CDH20: variants seen among roughly 807,000 people sequenced by gnomAD.
CDH20 encodes the protein cadherin-20.
A neutral mutation model predicts 74.2 loss-of-function variants in CDH20; 29 were observed. That is an observed-to-expected ratio of 0.39 (90% CI 0.29 to 0.53). The LOEUF is 0.53. Among genes scored for constraint, CDH20 ranks in the 20% least tolerant of loss-of-function variants. The pLI, the probability that CDH20 is intolerant of heterozygous loss-of-function variation, is 0.69. For synonymous variants in CDH20, 469 were observed against 405.4 expected (o/e 1.16, Z -1.88); for missense variants, 988 against 1,048.3 (o/e 0.94, Z 0.79).
chr18:61,356,043 G>T (rs1233010649), intron 1 of CDH20, among the ~76,000 whole-genome samples: 1 of 152,156 alleles, frequency 6.6e-6, no homozygotes, highest in Non-Finnish European at 1.5e-5. Flanking sequence ...CTCAGGGTGG[G>T]CTGGGGAAGA....
chr18:61,539,283 T>A (rs771675164), intron 9 of CDH20, 138 bp downstream of exon 9: 3 of 857,110 alleles, frequency 3.5e-6, no homozygotes, highest in Non-Finnish European at 3.7e-6. Flanking sequence ...AATTCCCGTA[T>A]ATCAGGTTTC....
rs1428735579 is a variant in CDH20, at chr18:61,499,369, C to A, written c.430C>A (p.Pro144Thr). The change falls in exon 3 of 12, where the codon CCA becomes ACA. Residue 144 changes from proline (P) to threonine (T), a missense_variant. By Grantham distance (38) the Pro-to-Thr change is conservative. Around this residue, in one of 2 missense-constraint regions of CDH20, gnomAD observed 613 missense variants for 755.2 expected, o/e 0.81. Transcript: ENST00000262717. Reference sequence around the variant, plus strand: ...AGCCCTAGACAGGCGGACGGGCAGGCCAATGGAGCCCGAGTCAGAGTTCAT... The same window carrying A: ...AGCCCTAGACAGGCGGACGGGCAGGACAATGGAGCCCGAGTCAGAGTTCAT... ...AQALDRRTGR[P>T]MEPESEFIIK... is the part of the protein sequence containing the mutation. 2 of 1,613,932 alleles carry A rather than the reference C, an allele frequency of 1.2e-6. No individual in the cohort carries two copies. Among genetic ancestry groups the A allele is most frequent in the Non-Finnish European group, 1.7e-6 (2 of 1,179,976 alleles).
rs117273843 is a variant in CDH20, at chr18:61,435,129, A to T, written c.-152-55273A>T. On this transcript the variant is annotated intron_variant, in intron 1 of 11. Transcript: ENST00000262717. ...TACTGTCCTTTTTCTACAGATCAGG[A>T]AATTGATCTGTAGAAAATTTCAGGG... 1.1e-3 allele frequency among the ~76,000 whole-genome samples: 168 copies of T among 152,280 alleles called. 2 individuals are homozygous for T. In the East Asian group the frequency reaches 0.028, roughly 25 times the overall value.
chr18:61,489,604 T>C (rs964100141), intron 1 of CDH20, among the ~76,000 whole-genome samples: 2 of 151,728 alleles, frequency 1.3e-5, no homozygotes, highest in East Asian at 3.9e-4. Flanking sequence ...ACGGTAGAAG[T>C]CCTTTTCCCT....
Position 61,554,332 on chromosome 18 carries a change from G to T in CDH20, c.2043G>T (p.Ala681=), listed in dbSNP as rs149566490. ...GEEDTEAFDI[A]AMWNPREAQA... ...AGGACACCGAGGCCTTCGACATCGCGGCCATGTGGAACCCCCGGGAGGCGC... is the reference window on the plus strand; with the variant it reads ...AGGACACCGAGGCCTTCGACATCGCTGCCATGTGGAACCCCCGGGAGGCGC... The change falls in exon 12 of 12, where the codon GCG becomes GCT. Residue 681 remains alanine (A), a synonymous_variant. Transcript: ENST00000262717. The T allele has an allele frequency of 6.8e-6, 11 of 1,613,650 alleles. No individual in the cohort carries two copies. Among genetic ancestry groups the T allele is most frequent in the Non-Finnish European group, 9.3e-6 (11 of 1,179,952 alleles).
chr18:61,506,660 C>G (rs1943329), intron 5 of CDH20, among the ~76,000 whole-genome samples: 1 of 152,112 alleles, frequency 6.6e-6, no homozygotes, highest in Non-Finnish European at 1.5e-5. Context: ...TAATTGTGAG[C>G]TCAGGATATC....
intron 6 of CDH20, among the ~76,000 whole-genome samples, chr18:61,520,196 C>T (rs1253540784): frequency 6.7e-6 from 1 of 149,976 alleles, no homozygotes; most frequent in Non-Finnish European, 1.5e-5. Context: ...GGCACCTGTA[C>T]TCCCAGCTAC....
intron 1 of CDH20, among the ~76,000 whole-genome samples, chr18:61,345,285 G>A (rs1451037262): frequency 1.3e-5 from 2 of 152,156 alleles, no homozygotes; most frequent in Non-Finnish European, 2.9e-5. Flanking sequence ...ATGGTTGTAG[G>A]AGGGAGCCCA....
chr18:61,364,055 T>C (rs1185132186), intron 1 of CDH20, among the ~76,000 whole-genome samples: 1 of 152,198 alleles, frequency 6.6e-6, no homozygotes, highest in Non-Finnish European at 1.5e-5. Context: ...GCTCACAAAA[T>C]GGCCATCTCT....
intron 1 of CDH20, among the ~76,000 whole-genome samples, chr18:61,374,579 A>C (rs1911151089): frequency 6.6e-6 from 1 of 152,310 alleles, no homozygotes; most frequent in South Asian, 2.1e-4. Context: ...GAGATCGACT[A>C]GCATTTTGCA....
intron 1 of CDH20, among the ~76,000 whole-genome samples, chr18:61,349,927 C>A (rs1342829729): frequency 6.6e-6 from 1 of 152,140 alleles, no homozygotes; most frequent in East Asian, 1.9e-4. Context: ...CCATTTCCAC[C>A]AACAAAGCTT....
At chr18:61,445,481 A>T (rs1487204557) in intron 1 of CDH20, among the ~76,000 whole-genome samples, 5 of 152,336 alleles carry the variant, frequency 3.3e-5, no homozygotes, top group Admixed American at 6.5e-5. Context: ...TTAGCTTTAT[A>T]TTAATTACTT....
chr18:61,509,451 T>C (rs1033794323), intron 6 of CDH20, among the ~76,000 whole-genome samples: 1 of 151,980 alleles, frequency 6.6e-6, no homozygotes, highest in South Asian at 2.1e-4. Context: ...GGACAGCCAG[T>C]GCAAAGGCTT....
Sources: allele counts gnomAD v4.1 joint callset (sites outside exome capture counted in the v4.1 genomes callset), GRCh38; gene constraint gnomAD v4.1.1; regional missense constraint gnomAD v4.1.1; transcripts MANE v1.5; gene names NCBI Gene and HGNC (gene_info 2026-07-23, HGNC 2026-07-21).